The following CCDC141 variants were observed in gnomAD, a reference collection of about 807,000 sequenced individuals.
The protein encoded by CCDC141 is coiled-coil domain-containing protein 141.
A neutral mutation model predicts 181.0 loss-of-function variants in CCDC141; 168 were observed. That is an observed-to-expected ratio of 0.93 (90% CI 0.82 to 1.05). The LOEUF (loss-of-function observed/expected upper bound fraction) is 1.05, where lower values mean the gene tolerates loss of function less well. CCDC141 is among the 50% of genes least tolerant of loss of function. CCDC141 has a pLI of 0.00. For synonymous variants in CCDC141, 666 were observed against 642.3 expected, an observed-to-expected ratio of 1.04 and a Z score of -0.56; for missense variants, 1,902 against 1,788.5, an observed-to-expected ratio of 1.06 and a Z score of -1.14.
intron 2 of CCDC141, among the ~76,000 whole-genome samples, chr2:178,991,037 A>G (rs528436927): frequency 2.0e-5 from 3 of 152,144 alleles, no homozygotes; most frequent in Admixed American, 2.0e-4. Context: ...GAAACTGCCT[A>G]CCATAACCTG....
At chr2:178,920,872 G>A (rs1213234984) in intron 6 of CCDC141, among the ~76,000 whole-genome samples, 1 of 152,170 alleles carries the variant, frequency 6.6e-6, no homozygotes, top group African/African-American at 2.4e-5. Context: ...AGTATAAAAT[G>A]TAGAGTAAGA....
At chr2:178,955,262 G>T (rs958488581) in intron 5 of CCDC141, among the ~76,000 whole-genome samples, 2 of 152,098 alleles carry the variant, frequency 1.3e-5, no homozygotes, top group African/African-American at 4.8e-5. Flanking sequence ...TCCAGCCTGG[G>T]TGACAGAGCG....
intron 2 of CCDC141, among the ~76,000 whole-genome samples, chr2:179,046,259 G>T (rs752861676): frequency 6.6e-6 from 1 of 152,256 alleles, no homozygotes; most frequent in Non-Finnish European, 1.5e-5. Context: ...CTCCCTCAGA[G>T]GTTCCTCAGA....
intron 4 of CCDC141, among the ~76,000 whole-genome samples, chr2:178,966,974 G>C (rs1690668585): frequency 6.6e-6 from 1 of 151,750 alleles, no homozygotes; most frequent in Non-Finnish European, 1.5e-5. Flanking sequence ...TTCAATAGCT[G>C]AATCGACCAA....
At chr2:178,948,367 G>T (rs998438495) in intron 5 of CCDC141, among the ~76,000 whole-genome samples, 2 of 151,896 alleles carry the variant, frequency 1.3e-5, no homozygotes, top group Admixed American at 1.3e-4. Flanking sequence ...CACATCAGTA[G>T]GTTGCATTAT....
chr2:178,855,828 A>G (rs1006400812), intron 18 of CCDC141, among the ~76,000 whole-genome samples: 1 of 152,258 alleles, frequency 6.6e-6, no homozygotes, highest in African/African-American at 2.4e-5. Context: ...CTTGTCCTCA[A>G]TAAGCTCACT....
Position 178,837,080 on chromosome 2 carries a change from C to G in CCDC141, c.4139G>C (p.Arg1380Thr). 6.2e-7 allele frequency: 1 copy of G among 1,614,004 alleles called. No individual in the cohort carries two copies. Among genetic ancestry groups the G allele is most frequent in the Non-Finnish European group, 8.5e-7 (1 of 1,179,978 alleles). Residue 1380 changes from arginine to threonine, a missense_variant, in exon 23 of 24, where the codon AGG becomes ACG. Physicochemically the swap from Arg to Thr is moderately conservative, Grantham distance 71. Coordinates refer to ENST00000443758, the MANE Select transcript of CCDC141 (RefSeq NM_173648.4). ...SGLRFQSGTS[R>T]GYQRQMVPRE... ...AGGAACCATTTGCCTCTGATAGCCC[C>G]TGCTGGTGCCTGATTGAAACCTGAG...
intron 2 of CCDC141, among the ~76,000 whole-genome samples, chr2:178,979,914 C>A (rs1214950596): frequency 6.6e-6 from 1 of 152,040 alleles, no homozygotes; most frequent in Admixed American, 6.6e-5. Context: ...AAATATATAG[C>A]TAACCTTATG....
chr2:178,891,383 C>G (rs1687141722), intron 8 of CCDC141, among the ~76,000 whole-genome samples: 1 of 152,128 alleles, frequency 6.6e-6, no homozygotes, highest in South Asian at 2.1e-4. Flanking sequence ...TCTGAAATGG[C>G]TGACATCTGA....
At position 178,868,904 on chromosome 2, in the gene CCDC141, G is replaced by A. The variant is rs377450254; in HGVS notation, c.2394+213C>T. ...GCCTGAGAGTCAAGGGTTGGAGTTA[G>A]GGATGTGTGCATCATCTCTGAGGGA... is the stretch of plus-strand genomic sequence containing the variant. On this transcript the variant is annotated intron_variant, in intron 15 of 23. Transcript: ENST00000443758. Among the ~76,000 whole-genome samples, 10 of 152,220 alleles carry A rather than the reference G, an allele frequency of 6.6e-5. No individual in the cohort carries two copies. In the East Asian group the frequency reaches 1.4e-3, roughly 21 times the overall value.
At chr2:178,921,150 T>C (rs964518724) in intron 6 of CCDC141, among the ~76,000 whole-genome samples, 1 of 152,234 alleles carries the variant, frequency 6.6e-6, no homozygotes, top group Admixed American at 6.5e-5. Context: ...AGCATGGATA[T>C]GGGCTACGTG....
At chr2:178,950,039 A>G (rs1307252357) in intron 5 of CCDC141, among the ~76,000 whole-genome samples, 4 of 152,222 alleles carry the variant, frequency 2.6e-5, no homozygotes, top group Non-Finnish European at 2.9e-5. Flanking sequence ...AAGCAATTCA[A>G]ACGACCTTAA....
intron 2 of CCDC141, among the ~76,000 whole-genome samples, chr2:179,043,645 G>A (rs374462408): frequency 5.3e-5 from 8 of 152,152 alleles, no homozygotes; most frequent in African/African-American, 1.9e-4. Flanking sequence ...TTAAAAACTC[G>A]GAATAAACTA....
At chr2:178,850,654 CT>C (rs1322948305) in intron 20 of CCDC141, among the ~76,000 whole-genome samples, 1 of 152,252 alleles carries the variant, frequency 6.6e-6, no homozygotes, top group Non-Finnish European at 1.5e-5. Context: ...ACCAGGACTA[CT>C]GTCCCTCCAC....
chr2:179,011,667 T>C (rs929983774), intron 2 of CCDC141, among the ~76,000 whole-genome samples: 2 of 152,040 alleles, frequency 1.3e-5, no homozygotes, highest in Non-Finnish European at 2.9e-5. Flanking sequence ...AACCACAGAA[T>C]ACACATTCTA....
chr2:178,967,362 G>T (rs1690686688), intron 4 of CCDC141, among the ~76,000 whole-genome samples: 1 of 152,148 alleles, frequency 6.6e-6, no homozygotes, highest in Admixed American at 6.5e-5. Flanking sequence ...AGAAAGGTCG[G>T]GTTACCCACA....
chr2:178,855,234 G>A, intron 19 of CCDC141, 113 bp downstream of exon 19: 2 of 810,872 alleles, frequency 2.5e-6, no homozygotes, highest in Non-Finnish European at 2.0e-6. Context: ...ATGAAAAGGA[G>A]CATGATACAT....
chr2:178,975,912 A>G (rs574350167), intron 3 of CCDC141, among the ~76,000 whole-genome samples: 1 of 152,324 alleles, frequency 6.6e-6, no homozygotes. Context: ...TCTATAAATA[A>G]AATGAGATTA....
rs758616244 is a variant in CCDC141, at chr2:178,878,161, G to C, written c.1720-18C>G. On this transcript the variant is annotated intron_variant, in intron 11 of 23. Coordinates refer to ENST00000443758, the MANE Select transcript of CCDC141 (RefSeq NM_173648.4). ...ATCTCTACCTAAAAAAGAAAAAAGA[G>C]AGTTAAGAACACTTAAACACATTTT... 21 of 1,563,800 alleles carry C rather than the reference G, an allele frequency of 1.3e-5. No homozygotes were observed. Among genetic ancestry groups the C allele is most frequent in the Admixed American group, 4.1e-5 (2 of 49,312 alleles).
Sources: gnomAD v4.1 joint callset for allele counts (sites outside exome capture counted in the v4.1 genomes callset) on GRCh38, gnomAD v4.1.1 for gene constraint, MANE v1.5 for transcripts, NCBI Gene and HGNC (gene_info 2026-07-23, HGNC 2026-07-21) for gene names.